GPC5: variants seen among roughly 807,000 people sequenced by gnomAD.
GPC5 encodes glypican-5.
In GPC5, 47 loss-of-function variants were observed where a neutral mutation model predicts 53.9. The observed-to-expected ratio is 0.87, with a 90% CI of 0.69 to 1.11. The LOEUF (loss-of-function observed/expected upper bound fraction) is 1.11, where lower values mean the gene tolerates loss of function less well. Ranked by LOEUF, GPC5 falls within the 50% of genes most tolerant of loss-of-function variation. The pLI is 0.00. For synonymous variants in GPC5, 286 were observed against 263.3 expected, an observed-to-expected ratio of 1.09 and a Z score of -0.84; for missense variants, 748 against 713.1, an observed-to-expected ratio of 1.05 and a Z score of -0.56.
intron 7 of GPC5, among the ~76,000 whole-genome samples, chr13:92,630,037 G>A (rs917578603): frequency 1.8e-4 from 27 of 152,128 alleles, no homozygotes; most frequent in African/African-American, 6.3e-4. Flanking sequence ...TTTGATATTT[G>A]AAGAAAGGAA....
chr13:92,566,644 G>A (rs1466914642), intron 7 of GPC5, among the ~76,000 whole-genome samples: 1 of 152,024 alleles, frequency 6.6e-6, no homozygotes, highest in African/African-American at 2.4e-5. Context: ...TGGCTCTAGT[G>A]TTATGGTTTG....
intron 7 of GPC5, among the ~76,000 whole-genome samples, chr13:92,502,176 A>G (rs539946984): frequency 3.9e-4 from 60 of 152,170 alleles, no homozygotes; most frequent in African/African-American, 1.4e-3. Flanking sequence ...GATAATCCCC[A>G]AAGTCACTGG....
intron 2 of GPC5, among the ~76,000 whole-genome samples, chr13:91,504,077 G>T (rs570955334): frequency 1.2e-4 from 18 of 151,782 alleles, no homozygotes; most frequent in Non-Finnish European, 2.4e-4. Flanking sequence ...AAAAACAATT[G>T]TTCTTCTCAA....
intron 7 of GPC5, among the ~76,000 whole-genome samples, chr13:92,604,763 C>A (rs1308246797): frequency 6.6e-6 from 1 of 152,192 alleles, no homozygotes; most frequent in Non-Finnish European, 1.5e-5. Context: ...GTGCTTACAA[C>A]ATAGATGATG....
At chr13:92,724,353 A>AC (rs1321526129) in intron 7 of GPC5, among the ~76,000 whole-genome samples, 1 of 151,690 alleles carries the variant, frequency 6.6e-6, no homozygotes, top group Non-Finnish European at 1.5e-5. Context: ...CAAAACACTT[A>AC]CCTTCTTTAT....
intron 7 of GPC5, among the ~76,000 whole-genome samples, chr13:92,702,695 G>A (rs1272584561): frequency 6.6e-6 from 1 of 151,856 alleles, no homozygotes; most frequent in African/African-American, 2.4e-5. Context: ...GTCCATCATC[G>A]CCTATTCACA....
chr13:91,645,678 A>T (rs114453135), intron 2 of GPC5, among the ~76,000 whole-genome samples: 65 of 152,344 alleles, frequency 4.3e-4, no homozygotes, highest in African/African-American at 1.4e-3. Context: ...TTTACATGAA[A>T]ACTGAAGTCT....
intron 7 of GPC5, among the ~76,000 whole-genome samples, chr13:92,832,206 A>G (rs1314464386): frequency 2.0e-5 from 3 of 152,210 alleles, no homozygotes; most frequent in African/African-American, 4.8e-5. Context: ...ATATTGACAT[A>G]CACGTTTAAA....
chr13:92,646,837 G>A (rs1234798571), intron 7 of GPC5, among the ~76,000 whole-genome samples: 1 of 148,128 alleles, frequency 6.8e-6, no homozygotes, highest in African/African-American at 2.5e-5. Flanking sequence ...CATATACAAG[G>A]GTGTGATTTT....
At position 92,734,189 on chromosome 13, in the gene GPC5, G is replaced by C. The variant is rs1888878882; in HGVS notation, c.1562-132093G>C. On this transcript the variant is annotated intron_variant, in intron 7 of 7. Coordinates refer to ENST00000377067, the MANE Select transcript of GPC5 (RefSeq NM_004466.6). ...ATTCTCAGTTTCTTCTTATAGAAAG[G>C]ATGGATTTGGGTAAGATCTCCAGGG... 2.0e-5 allele frequency among the ~76,000 whole-genome samples: 3 copies of C among 151,748 alleles called. No individual in the cohort carries two copies. The South Asian group carries it at 6.2e-4, about 31-fold the overall frequency.
chr13:91,619,850 TA>T (rs2033804840), intron 2 of GPC5, among the ~76,000 whole-genome samples: 2 of 152,146 alleles, frequency 1.3e-5, no homozygotes, highest in Admixed American at 1.3e-4. Flanking sequence ...TTAACATCAA[TA>T]CATTTGTATG....
chr13:91,925,310 A>G (rs1402812920), intron 6 of GPC5, among the ~76,000 whole-genome samples: 2 of 152,220 alleles, frequency 1.3e-5, no homozygotes, highest in African/African-American at 4.8e-5. Flanking sequence ...ATTTAAATGA[A>G]GCAGGAAAGT....
In GPC5 at chr13:91,960,291, T is replaced by G. The variant is rs2040114943; in HGVS notation, c.1401+52234T>G. 4.0e-5 allele frequency among the ~76,000 whole-genome samples: 6 copies of G among 151,768 alleles called. No homozygotes were observed. The South Asian group carries it at 1.2e-3, about 31-fold the overall frequency. On this transcript the variant is annotated intron_variant, in intron 6 of 7. Coordinates refer to ENST00000377067, the MANE Select transcript of GPC5 (RefSeq NM_004466.6). ...GCATACCTATGTATCAATAATGAAC[T>G]AACTGAAAGAAATCAAGAAAACAAT...
chr13:92,311,946 C>T (rs551680913), intron 7 of GPC5, among the ~76,000 whole-genome samples: 3 of 152,062 alleles, frequency 2.0e-5, no homozygotes, highest in South Asian at 2.1e-4. Flanking sequence ...TGAAGACCCT[C>T]GAAAGAGAAG....
intron 2 of GPC5, among the ~76,000 whole-genome samples, chr13:91,672,221 A>G (rs2139679574): frequency 6.6e-6 from 1 of 152,366 alleles, no homozygotes; most frequent in African/African-American, 2.4e-5. Context: ...AGCAATTGCA[A>G]CAAAAGCAAA....
chr13:92,459,503 G>A (rs573420303), intron 7 of GPC5, among the ~76,000 whole-genome samples: 95 of 152,254 alleles, frequency 6.2e-4, no homozygotes, highest in African/African-American at 2.1e-3. Context: ...CCTTGTTCTT[G>A]GCACAGAAGA....
At chr13:91,977,760 C>T (rs1275756533) in intron 6 of GPC5, among the ~76,000 whole-genome samples, 1 of 152,030 alleles carries the variant, frequency 6.6e-6, no homozygotes, top group Non-Finnish European at 1.5e-5. Flanking sequence ...CTTGTTTTAG[C>T]CTCCCCACAT....
chr13:92,033,035 TCGTG>T (rs758469452), intron 6 of GPC5, among the ~76,000 whole-genome samples: 2,874 of 77,900 alleles, frequency 0.037, 59 homozygotes, highest in African/African-American at 0.094. Context: ...CTAGTTATTG[TCGTG>T]TGTGTGTGTG....
chr13:92,077,566 G>T (rs1437684079), intron 6 of GPC5, among the ~76,000 whole-genome samples: 2 of 152,088 alleles, frequency 1.3e-5, no homozygotes, highest in African/African-American at 4.8e-5. Context: ...TTCCTGAATG[G>T]CAGATGAAGG....
Sources: allele counts gnomAD v4.1 joint callset (sites outside exome capture counted in the v4.1 genomes callset), GRCh38; gene constraint gnomAD v4.1.1; transcripts MANE v1.5; gene names NCBI Gene and HGNC (gene_info 2026-07-23, HGNC 2026-07-21).